ASIC2: variants seen among roughly 807,000 people sequenced by gnomAD.
The protein encoded by ASIC2 is acid sensing ion channel subunit 2.
A neutral mutation model predicts 57.3 loss-of-function variants in ASIC2; 25 were observed. The observed-to-expected ratio is 0.44, with a 90% CI of 0.32 to 0.61. The LOEUF (loss-of-function observed/expected upper bound fraction) is 0.61, where lower values mean the gene tolerates loss of function less well. Among genes scored for constraint, ASIC2 ranks in the 20% least tolerant of loss-of-function variants. ASIC2 has a pLI of 0.06. For synonymous variants in ASIC2, 319 were observed against 307.5 expected (o/e 1.04, Z -0.39); for missense variants, 641 against 738.1 (o/e 0.87, Z 1.52).
At chr17:33,192,384 AAAAACAAAACAAAAC>A (rs149064811) in intron 1 of ASIC2, among the ~76,000 whole-genome samples, 18,363 of 142,842 alleles carry the variant, frequency 0.13, 1,960 homozygotes, top group African/African-American at 0.29. Context: ...ACTCAGTCTC[AAAAACAAAACAAAAC>A]AAAACAAAAC....
chr17:34,004,929 G>T lies in ASIC2; in HGVS notation c.555+151049C>A, dbSNP rs971248292. Reference sequence around the variant, plus strand: ...CAAGTTCACTGCATTTCACCTTCCTGCCATGAATGATGTTCTTGTGATGTG... The same window carrying T: ...CAAGTTCACTGCATTTCACCTTCCTTCCATGAATGATGTTCTTGTGATGTG... On this transcript the variant is annotated intron_variant, in intron 1 of 9. Coordinates refer to the ASIC2 transcript ENST00000359872. The T allele has an allele frequency of 2.0e-5, 3 of 152,118 alleles. No individual in the cohort carries two copies. In the East Asian group the frequency reaches 5.8e-4, roughly 29 times the overall value. The allele number at this position is 152,118 out of a possible 1,614,324, so 9.4% of individuals were successfully genotyped here. A position where few individuals can be genotyped will look rare whatever the true frequency, so the allele number is the denominator to read the frequency against.
At chr17:33,221,153 C>T (rs1298177016) in intron 1 of ASIC2, among the ~76,000 whole-genome samples, 1 of 152,100 alleles carries the variant, frequency 6.6e-6, no homozygotes, top group East Asian at 1.9e-4. Flanking sequence ...TTCTTTCATT[C>T]TAGAAGCCAG....
chr17:33,440,674 A>G (rs770365485), intron 1 of ASIC2, among the ~76,000 whole-genome samples: 2 of 152,230 alleles, frequency 1.3e-5, no homozygotes, highest in African/African-American at 4.8e-5. Flanking sequence ...GTGTAGTGAT[A>G]TCTCACTGTA....
chr17:33,633,395 G>C (rs1597814905), intron 1 of ASIC2, among the ~76,000 whole-genome samples: 1 of 152,226 alleles, frequency 6.6e-6, no homozygotes, highest in Non-Finnish European at 1.5e-5. Context: ...AGGTGAGATA[G>C]CAAGGAAGGA....
At chr17:33,780,840 G>T (rs760167034) in intron 1 of ASIC2, among the ~76,000 whole-genome samples, 1 of 152,166 alleles carries the variant, frequency 6.6e-6, no homozygotes, top group Non-Finnish European at 1.5e-5. Context: ...AAGTGCTTTT[G>T]TGTCACTCAG....
chr17:33,625,408 T>C (rs1306647610), intron 1 of ASIC2, among the ~76,000 whole-genome samples: 1 of 152,136 alleles, frequency 6.6e-6, no homozygotes, highest in African/African-American at 2.4e-5. Flanking sequence ...TAGATAAGTA[T>C]CCTTCCCCAC....
intron 1 of ASIC2, among the ~76,000 whole-genome samples, chr17:33,518,639 A>G (rs1303707019): frequency 1.3e-5 from 2 of 152,194 alleles, no homozygotes; most frequent in African/African-American, 4.8e-5. Context: ...TAGCACCTTC[A>G]TTTTCCAAAT....
chr17:34,147,619 A>C (rs573260325), intron 1 of ASIC2, among the ~76,000 whole-genome samples: 31 of 152,302 alleles, frequency 2.0e-4, no homozygotes, highest in African/African-American at 6.7e-4. Flanking sequence ...TATGGTTTTA[A>C]GTCAAATGCA....
intron 1 of ASIC2, among the ~76,000 whole-genome samples, chr17:33,977,335 T>G (rs1313553109): frequency 3.3e-5 from 5 of 152,206 alleles, no homozygotes; most frequent in African/African-American, 1.2e-4. Context: ...TGCACAGCAT[T>G]TGCCACTTTC....
At chr17:33,912,507 T>TA (rs1336446280) in intron 1 of ASIC2, among the ~76,000 whole-genome samples, 1 of 151,020 alleles carries the variant, frequency 6.6e-6, no homozygotes, top group East Asian at 1.9e-4. Flanking sequence ...CAAACAAAAA[T>TA]AAAAAAATAA....
chr17:33,863,892 C>CTTTTTTTTTTTT (rs771558000), intron 1 of ASIC2, among the ~76,000 whole-genome samples: 1 of 133,422 alleles, frequency 7.5e-6, no homozygotes, highest in Non-Finnish European at 1.6e-5. Context: ...ACAGTTACCT[C>CTTTTTTTTTTTT]TTTTTTTGTT....
chr17:33,078,551 A>C (rs985652374), intron 3 of ASIC2, among the ~76,000 whole-genome samples: 1 of 152,146 alleles, frequency 6.6e-6, no homozygotes, highest in African/African-American at 2.4e-5. Flanking sequence ...CTTTTCCCGT[A>C]AGAGTTTACA....
intron 1 of ASIC2, chr17:33,692,094 A>G (rs1908389365): frequency 6.6e-6 from 1 of 152,192 alleles, no homozygotes; most frequent in South Asian, 2.1e-4. Flanking sequence ...TTTCTAGAAT[A>G]CACTGTATTC....
chr17:33,995,249 A>G (rs1298100073), intron 1 of ASIC2, among the ~76,000 whole-genome samples: 2 of 152,164 alleles, frequency 1.3e-5, no homozygotes, highest in Non-Finnish European at 2.9e-5. Context: ...TTCACAGGAC[A>G]ATTGGGTGGA....
intron 1 of ASIC2, among the ~76,000 whole-genome samples, chr17:33,506,815 C>A (rs1914278704): frequency 2.0e-5 from 3 of 152,326 alleles, no homozygotes; most frequent in Admixed American, 6.5e-5. Flanking sequence ...AAACACCTCA[C>A]CCTGTGCCTG....
At chr17:33,821,822 A>G (rs954903300) in intron 1 of ASIC2, among the ~76,000 whole-genome samples, 5 of 152,150 alleles carry the variant, frequency 3.3e-5, no homozygotes, top group African/African-American at 1.2e-4. Context: ...AAAGAGAAAG[A>G]TCCTTAGAGG....
At chr17:34,041,223 T>C (rs1218064234) in intron 1 of ASIC2, 1 of 152,148 alleles carries the variant, frequency 6.6e-6, no homozygotes, top group Non-Finnish European at 1.5e-5. Context: ...GACAGTAGGG[T>C]TCCACATTAC....
chr17:33,922,527 C>T (rs575004584), intron 1 of ASIC2, among the ~76,000 whole-genome samples: 5 of 152,268 alleles, frequency 3.3e-5, no homozygotes, highest in East Asian at 1.9e-4. Context: ...AAGGAGCGAA[C>T]GTTCTAATTC....
intron 1 of ASIC2, among the ~76,000 whole-genome samples, chr17:33,717,759 T>G (rs9913681): frequency 0.27 from 41,167 of 152,024 alleles, 8,118 homozygotes; most frequent in African/African-American, 0.56. Context: ...TCCCTGTAAC[T>G]CAGGGGCCTC....
Sources: allele counts gnomAD v4.1 joint callset (sites outside exome capture counted in the v4.1 genomes callset), GRCh38; gene constraint gnomAD v4.1.1; transcripts MANE v1.5; gene names NCBI Gene and HGNC (gene_info 2026-07-23, HGNC 2026-07-21).